The following LY96 variants were observed in gnomAD, a reference collection of about 807,000 sequenced individuals.
LY96 encodes the protein myeloid differentiation protein-2.
A neutral mutation model predicts 18.9 loss-of-function variants in LY96; 18 were observed. That is an observed-to-expected ratio of 0.95 (90% confidence interval 0.66 to 1.41). LY96 has a LOEUF of 1.41. Ranked by LOEUF, LY96 falls within the 40% of genes most tolerant of loss-of-function variation. LY96 has a pLI of 0.00. For missense variants in LY96, 175 were observed against 182.4 expected (o/e 0.96, Z 0.23); for synonymous variants, 66 against 62.6 (o/e 1.06, Z -0.26).
the LY96 span, among the ~76,000 whole-genome samples, chr8:74,096,916 T>C: frequency 6.6e-6 from 1 of 152,136 alleles, no homozygotes; most frequent in Non-Finnish European, 1.5e-5. Context: ...GAAGTTTCCC[T>C]GGGGGTAGTT....
chr8:74,006,016 A>G (rs1586651201), intron 2 of LY96, among the ~76,000 whole-genome samples: 1 of 152,228 alleles, frequency 6.6e-6, no homozygotes, highest in East Asian at 1.9e-4. Context: ...AAAATCCCCA[A>G]AACTGAGAAC....
chr8:73,994,474 G>T (rs1425730942), intron 1 of LY96, among the ~76,000 whole-genome samples: 1 of 152,066 alleles, frequency 6.6e-6, no homozygotes, highest in African/African-American at 2.4e-5. Flanking sequence ...ATTTGGTCAA[G>T]CTGCTGGGCA....
chr8:74,068,081 A>ATAT, the LY96 span, among the ~76,000 whole-genome samples: 13 of 95,376 alleles, frequency 1.4e-4, no homozygotes, highest in African/African-American at 7.6e-4. Context: ...AAAAAAAAAA[A>ATAT]AAAAAAAAAT....
At chr8:74,082,310 T>G in the LY96 span, among the ~76,000 whole-genome samples, 1 of 152,230 alleles carries the variant, frequency 6.6e-6, no homozygotes, top group Non-Finnish European at 1.5e-5. Context: ...ATTTTTCTTC[T>G]GGTTGAGCAT....
At chr8:73,993,113 G>A (rs866817752) in intron 1 of LY96, among the ~76,000 whole-genome samples, 2 of 151,096 alleles carry the variant, frequency 1.3e-5, no homozygotes, top group African/African-American at 4.9e-5. Context: ...TGCCCACCCC[G>A]GCCTCCCAAA....
At chr8:74,073,801 C>G in the LY96 span, among the ~76,000 whole-genome samples, 1 of 148,234 alleles carries the variant, frequency 6.7e-6, no homozygotes, top group Non-Finnish European at 1.5e-5. Flanking sequence ...CTGGCTGAGG[C>G]AGGATGCCAC....
chr8:74,001,250 G>C (rs1266320328), intron 1 of LY96, among the ~76,000 whole-genome samples: 1 of 144,988 alleles, frequency 6.9e-6, no homozygotes, highest in Non-Finnish European at 1.5e-5. Context: ...TTTTGAGACA[G>C]TCTCGCTCTG....
At chr8:74,082,234 G>A in the LY96 span, among the ~76,000 whole-genome samples, 2 of 152,190 alleles carry the variant, frequency 1.3e-5, no homozygotes, top group African/African-American at 4.8e-5. Context: ...AGAGTTGCAA[G>A]GAACTCACAG....
rs575804943 is a variant in LY96 at position 74,010,122 on chromosome 8, G to A, written c.324G>A (p.Leu108=). 3.7e-6 allele frequency: 6 copies of A among 1,612,862 alleles called. No homozygotes were observed. The African/African-American group carries it at 8.0e-5, about 22-fold the overall frequency. Residue 108 remains leucine (L), a synonymous_variant, in exon 3 of 5, where the codon CTG becomes CTA. Transcript: ENST00000284818. ...SDDDYSFCRA[L]KGETVNTTIS... is the part of the protein sequence containing the mutation. ...ACGATTACTCTTTTTGCAGAGCTCT[G>A]AAGGGAGGTAAGTATTCAGTTCATA... is the stretch of plus-strand genomic sequence containing the variant.
the LY96 span, among the ~76,000 whole-genome samples, chr8:74,093,040 C>A: frequency 2.6e-5 from 4 of 152,092 alleles, no homozygotes; most frequent in African/African-American, 9.7e-5. Flanking sequence ...GCTTTCCTGC[C>A]CAGCCCATCA....
At chr8:74,092,018 C>T in the LY96 span, among the ~76,000 whole-genome samples, 1 of 152,152 alleles carries the variant, frequency 6.6e-6, no homozygotes, top group African/African-American at 2.4e-5. Flanking sequence ...TTCCTTTTGA[C>T]TCATTTAAAG....
chr8:74,091,273 C>A, the LY96 span, among the ~76,000 whole-genome samples: 1 of 152,196 alleles, frequency 6.6e-6, no homozygotes, highest in African/African-American at 2.4e-5. Flanking sequence ...AGAAAGCTCT[C>A]GAAGTGGCAC....
At chr8:74,066,145 A>G in the LY96 span, among the ~76,000 whole-genome samples, 35 of 152,072 alleles carry the variant, frequency 2.3e-4, no homozygotes, top group Non-Finnish European at 2.8e-4. Context: ...GCACCAGCAG[A>G]TTCAGTTTCT....
chr8:74,073,640 AATTTATTTATTT>A, the LY96 span, among the ~76,000 whole-genome samples: 1,339 of 145,366 alleles, frequency 9.2e-3, 18 homozygotes, highest in African/African-American at 0.032. Flanking sequence ...GAGATTGATG[AATTTATTTATTT>A]ATTTATTTAT....
At chr8:74,094,644 A>T in the LY96 span, among the ~76,000 whole-genome samples, 2 of 152,200 alleles carry the variant, frequency 1.3e-5, no homozygotes, top group African/African-American at 4.8e-5. Context: ...AGTAATAATG[A>T]TAGTTCTTTC....
At chr8:73,996,408 T>TCTTTCTTTCTTTCTTTCTTTCTTTCTTC in intron 1 of LY96, among the ~76,000 whole-genome samples, 1 of 44,804 alleles carries the variant, frequency 2.2e-5, no homozygotes. Flanking sequence ...TTTCTTTCTT[T>TCTTTCTTTCTTTCTTTCTTTCTTTCTTC]CTTTCTTTCT....
chr8:74,097,622 T>C, the LY96 span, among the ~76,000 whole-genome samples: 1 of 152,074 alleles, frequency 6.6e-6, no homozygotes, highest in East Asian at 1.9e-4. Context: ...GGCAGGAGAA[T>C]CGCTTGAACC....
At chr8:74,004,954 G>A (rs1003464175) in intron 2 of LY96, 69 bp downstream of exon 2, 2 of 1,485,868 alleles carry the variant, frequency 1.3e-6, no homozygotes, top group African/African-American at 2.8e-5. Flanking sequence ...AAATGATTGT[G>A]TTTCAAATAT....
At chr8:74,069,433 G>C in the LY96 span, among the ~76,000 whole-genome samples, 1 of 152,174 alleles carries the variant, frequency 6.6e-6, no homozygotes, top group African/African-American at 2.4e-5. Flanking sequence ...GGGAAAGGAA[G>C]CCTCGTTCCT....
Sources: allele counts gnomAD v4.1 joint callset (sites outside exome capture counted in the v4.1 genomes callset), GRCh38; gene constraint gnomAD v4.1.1; transcripts MANE v1.5; gene names NCBI Gene and HGNC (gene_info 2026-07-23, HGNC 2026-07-21).